The following ZNF644 variants were observed in gnomAD, a reference collection of about 807,000 sequenced individuals.
The protein encoded by ZNF644 is zinc finger motif enhancer binding protein 2.
In ZNF644, 20 loss-of-function variants were observed where a neutral mutation model predicts 108.0. The ratio of observed to expected loss-of-function variants is 0.19; its 90% CI spans 0.13 to 0.27. The LOEUF (loss-of-function observed/expected upper bound fraction) is 0.27, where lower values mean the gene tolerates loss of function less well. Among genes scored for constraint, ZNF644 ranks in the 10% least tolerant of loss-of-function variants. ZNF644 has a pLI of 1.00. For missense variants in ZNF644, 1,338 were observed against 1,548.9 expected, an observed-to-expected ratio of 0.86 and a Z score of 2.29; for synonymous variants, 542 against 539.1, an observed-to-expected ratio of 1.01 and a Z score of -0.08.
chr1:90,942,353 AC>A (rs531013797), intron 2 of ZNF644, among the ~76,000 whole-genome samples: 146 of 152,310 alleles, frequency 9.6e-4, no homozygotes, highest in African/African-American at 3.3e-3. Flanking sequence ...GTCCATTCAC[AC>A]CATGACTGTA....
intron 4 of ZNF644, among the ~76,000 whole-genome samples, chr1:90,926,198 T>C (rs149552314): frequency 6.6e-5 from 10 of 152,294 alleles, no homozygotes; most frequent in East Asian, 1.9e-4. Context: ...AGGCTGCACA[T>C]AGGATGCCTA....
chr1:90,917,931 T>C (rs1294673153), intron 5 of ZNF644, 121 bp downstream of exon 5: 5 of 828,924 alleles, frequency 6.0e-6, no homozygotes, highest in Admixed American at 2.0e-5. Context: ...CAAAAGTTCA[T>C]TTATAACTTG....
At chr1:90,995,010 T>C (rs1658015369) in intron 1 of ZNF644, among the ~76,000 whole-genome samples, 1 of 152,078 alleles carries the variant, frequency 6.6e-6, no homozygotes, top group Non-Finnish European at 1.5e-5. Context: ...GAATCATTCA[T>C]TAAAACATAC....
chr1:90,942,828 T>C (rs1252569832), intron 2 of ZNF644, among the ~76,000 whole-genome samples: 3 of 152,178 alleles, frequency 2.0e-5, no homozygotes, highest in East Asian at 3.9e-4. Flanking sequence ...TAAGCTTCCA[T>C]ATTTCTTCTC....
chr1:90,927,210 C>A (rs1650143262), intron 4 of ZNF644, among the ~76,000 whole-genome samples: 1 of 152,174 alleles, frequency 6.6e-6, no homozygotes, highest in Non-Finnish European at 1.5e-5. Flanking sequence ...GTATTTCACG[C>A]ATACCTCTCC....
chr1:90,999,752 A>G (rs1326897353), intron 1 of ZNF644, among the ~76,000 whole-genome samples: 1 of 152,234 alleles, frequency 6.6e-6, no homozygotes, highest in East Asian at 1.9e-4. Flanking sequence ...CAAATTGGAT[A>G]AAGAGTCAAG....
intron 2 of ZNF644, among the ~76,000 whole-genome samples, chr1:90,975,688 C>T (rs112275810): frequency 0.011 from 1,726 of 152,280 alleles, 14 homozygotes; most frequent in South Asian, 0.021. Context: ...AGGCAATTCA[C>T]CTGCCTCAGC....
intron 1 of ZNF644, among the ~76,000 whole-genome samples, chr1:91,005,562 T>A (rs527400048): frequency 6.6e-6 from 1 of 151,972 alleles, no homozygotes; most frequent in Non-Finnish European, 1.5e-5. Context: ...TTTAAAGGAA[T>A]AAAAATCATA....
intron 4 of ZNF644, among the ~76,000 whole-genome samples, chr1:90,923,702 G>A (rs1215882054): frequency 6.6e-6 from 1 of 152,062 alleles, no homozygotes; most frequent in African/African-American, 2.4e-5. Flanking sequence ...CAATCACACA[G>A]CAATCAGTGG....
intron 2 of ZNF644, among the ~76,000 whole-genome samples, chr1:90,958,298 A>G (rs1653971690): frequency 6.6e-6 from 1 of 151,782 alleles, no homozygotes; most frequent in South Asian, 2.1e-4. Context: ...TGTGCGCTAA[A>G]AACTACAAAA....
intron 2 of ZNF644, among the ~76,000 whole-genome samples, chr1:90,949,154 T>TG (rs1361906828): frequency 1.3e-5 from 2 of 151,740 alleles, no homozygotes; most frequent in Non-Finnish European, 2.9e-5. Context: ...TCACCTGTAT[T>TG]ATATACATTC....
chr1:90,916,611 A>G lies in ZNF644; in HGVS notation c.*187T>C. 1 of 645,300 alleles carries G rather than the reference A, an allele frequency of 1.5e-6. No individual in the cohort carries two copies. The highest frequency in any genetic ancestry group is 2.6e-6 in the Non-Finnish European group (1 of 380,522). The allele number at this position is 645,300 out of a possible 1,614,324, so 40.0% of individuals were successfully genotyped here. On this transcript the variant is annotated 3_prime_UTR_variant, in exon 6 of 6. Transcript: ENST00000337393. The stretch of plus-strand genomic sequence containing the variant: ...CATAAACCTTAAAAACACATCTTCC[A>G]CCCTATATAAAATATATAGACTACT...
chr1:90,975,696 A>G (rs911665231), intron 2 of ZNF644, among the ~76,000 whole-genome samples: 1 of 152,170 alleles, frequency 6.6e-6, no homozygotes, highest in African/African-American at 2.4e-5. Context: ...CACCTGCCTC[A>G]GCCTCCCAAA....
chr1:90,978,975 G>A (rs993176711), intron 2 of ZNF644, among the ~76,000 whole-genome samples: 1 of 152,160 alleles, frequency 6.6e-6, no homozygotes, highest in South Asian at 2.1e-4. Flanking sequence ...AGAAGCTGCA[G>A]AAAGGAAAAG....
At chr1:91,013,510 CCCAAA>C (rs921269495) in intron 1 of ZNF644, among the ~76,000 whole-genome samples, 4 of 151,752 alleles carry the variant, frequency 2.6e-5, no homozygotes, top group Non-Finnish European at 4.4e-5. Context: ...CATATACACA[CCCAAA>C]CCAAATTCCC....
intron 1 of ZNF644, among the ~76,000 whole-genome samples, chr1:90,998,060 G>T (rs553268665): frequency 2.6e-5 from 4 of 152,162 alleles, no homozygotes; most frequent in Admixed American, 2.6e-4. Context: ...AGCTCGAACT[G>T]GGGGGAGCCC....
At chr1:90,918,283 T>A in intron 4 of ZNF644, 129 bp from the exon 5 acceptor site, 5 of 746,010 alleles carry the variant, frequency 6.7e-6, no homozygotes, top group Non-Finnish European at 1.2e-5. Flanking sequence ...ATTTCCCTAT[T>A]CCCTGAAGCA....
chr1:90,996,954 C>T (rs780538339), intron 1 of ZNF644, among the ~76,000 whole-genome samples: 3 of 152,094 alleles, frequency 2.0e-5, no homozygotes, highest in Non-Finnish European at 2.9e-5. Context: ...TCAGCACTTA[C>T]CTAGTATAAA....
At chr1:90,927,010 C>T (rs192115294) in intron 4 of ZNF644, among the ~76,000 whole-genome samples, 1 of 152,272 alleles carries the variant, frequency 6.6e-6, no homozygotes, top group Admixed American at 6.5e-5. Context: ...CTCCTACTTC[C>T]TAGTATTTCC....
Sources: gnomAD v4.1 joint callset for allele counts (sites outside exome capture counted in the v4.1 genomes callset) on GRCh38, gnomAD v4.1.1 for gene constraint, MANE v1.5 for transcripts, NCBI Gene and HGNC (gene_info 2026-07-23, HGNC 2026-07-21) for gene names.